Variants in STRN observed in about 807,000 individuals in gnomAD.
STRN encodes the protein striatin, also known as protein phosphatase 2 regulatory subunit B'''alpha.
STRN carries 53 observed loss-of-function variants against 96.3 expected under a neutral mutation model. The ratio of observed to expected loss-of-function variants is 0.55; its 90% confidence interval spans 0.44 to 0.69. The LOEUF (loss-of-function observed/expected upper bound fraction) is 0.69. STRN is among the 30% of genes least tolerant of loss of function. The pLI, the probability that STRN is intolerant of heterozygous loss-of-function variation, is 0.00. For synonymous variants in STRN, 428 were observed against 355.9 expected (o/e 1.20, Z -2.28); for missense variants, 987 against 963.9 (o/e 1.02, Z -0.32).
In STRN at chr2:36,846,922, T is replaced by C. The variant is rs1668092419; in HGVS notation, c.*2534A>G. 1 of 152,148 alleles carries C rather than the reference T, an allele frequency of 6.6e-6. No homozygotes were observed. The highest frequency in any genetic ancestry group is 2.1e-4 in the South Asian group (1 of 4,830). 9.4% of individuals were successfully genotyped at this position (152,148 alleles called of 1,614,324 possible). A position where few individuals can be genotyped will look rare whatever the true frequency, so the allele number is the denominator to read the frequency against. On this transcript the variant is annotated 3_prime_UTR_variant, in exon 18 of 18. Transcript: ENST00000263918. ...TTCCAATACATTTCAAACAAAATAT[T>C]TACAAATGAAGCACTATGAAAGCAT...
intron 4 of STRN, among the ~76,000 whole-genome samples, chr2:36,904,109 A>G (rs1408301062): frequency 6.6e-6 from 1 of 152,232 alleles, no homozygotes; most frequent in Non-Finnish European, 1.5e-5. Context: ...TTGTTTAAAA[A>G]AAGATTAACA....
At chr2:36,872,413 G>C (rs1022673902) in intron 10 of STRN, among the ~76,000 whole-genome samples, 2 of 152,210 alleles carry the variant, frequency 1.3e-5, no homozygotes, top group East Asian at 3.8e-4. Context: ...CAAGTCTTCA[G>C]GTGATACTGC....
At chr2:36,878,627 G>A (rs910950253) in intron 9 of STRN, among the ~76,000 whole-genome samples, 11 of 152,244 alleles carry the variant, frequency 7.2e-5, no homozygotes, top group South Asian at 2.1e-4. Context: ...CCTAAGGGGT[G>A]GTGACGTGGG....
rs1178143475 is a variant in STRN at position 36,843,980 on chromosome 2, A to G, written c.*5476T>C. The G allele has an allele frequency of 6.6e-6, 1 of 152,180 alleles. No homozygotes were observed. The highest frequency in any genetic ancestry group is 1.5e-5 in the Non-Finnish European group (1 of 68,012). The allele number at this position is 152,180 out of a possible 1,614,324, so 9.4% of individuals were successfully genotyped here. On this transcript the variant is annotated 3_prime_UTR_variant, in exon 18 of 18. Transcript: ENST00000263918. ...AAAATTTAAAATACCTGAAGATCAA[A>G]CAATCTGGCCCAGGGCTCACCAGCT...
At chr2:36,928,626 T>A (rs1670483383) in intron 1 of STRN, among the ~76,000 whole-genome samples, 1 of 142,486 alleles carries the variant, frequency 7.0e-6, no homozygotes, top group Non-Finnish European at 1.5e-5. Context: ...CACTCCAGCC[T>A]GGGCGACACA....
intron 2 of STRN, among the ~76,000 whole-genome samples, chr2:36,922,694 T>C (rs1670293839): frequency 6.6e-6 from 1 of 152,024 alleles, no homozygotes; most frequent in Non-Finnish European, 1.5e-5. Context: ...ACACAAAGAT[T>C]ACAAATTTCT....
At chr2:36,906,950 C>A (rs1669838059) in intron 3 of STRN, among the ~76,000 whole-genome samples, 1 of 129,850 alleles carries the variant, frequency 7.7e-6, no homozygotes, top group Non-Finnish European at 1.7e-5. Flanking sequence ...AAAAAAAAAC[C>A]CTCAAGTATT....
chr2:36,936,024 C>T (rs529358607), intron 1 of STRN, among the ~76,000 whole-genome samples: 1 of 151,758 alleles, frequency 6.6e-6, no homozygotes, highest in African/African-American at 2.4e-5. Flanking sequence ...TTAAATATTA[C>T]GTACTTAGAC....
chr2:36,961,115 C>CA (rs1553407709), intron 1 of STRN, among the ~76,000 whole-genome samples: 1 of 60,322 alleles, frequency 1.7e-5, no homozygotes, highest in Non-Finnish European at 2.9e-5. Context: ...CCAGGCTGCA[C>CA]TTTTTTTTTT....
At chr2:36,947,566 A>G (rs905539471) in intron 1 of STRN, among the ~76,000 whole-genome samples, 1 of 147,752 alleles carries the variant, frequency 6.8e-6, no homozygotes, top group Non-Finnish European at 1.5e-5. Context: ...ATTTACATAT[A>G]TATTATATAT....
intron 1 of STRN, among the ~76,000 whole-genome samples, chr2:36,935,302 T>A (rs1417817603): frequency 2.6e-5 from 4 of 152,172 alleles, no homozygotes; most frequent in Non-Finnish European, 2.9e-5. Context: ...CATTTCTTAT[T>A]TTCTATTTAA....
chr2:36,930,075 A>C (rs1360372112), intron 1 of STRN, among the ~76,000 whole-genome samples: 1 of 152,174 alleles, frequency 6.6e-6, no homozygotes, highest in Non-Finnish European at 1.5e-5. Flanking sequence ...TATCCTCTTA[A>C]ATCTAGGCTG....
Position 36,886,707 on chromosome 2 carries a change from TC to T in STRN, c.1042+8del. On this transcript the variant is annotated splice_region_variant and intron_variant, in intron 8 of 17. Coordinates refer to ENST00000263918, the MANE Select transcript of STRN (RefSeq NM_003162.4). ...TTTATGATTTACAGATACAATGTTT[TC>T]CACTTACTCTTCACCCCCTTTTTCC... is the stretch of plus-strand genomic sequence containing the variant. 1.3e-6 allele frequency: 2 copies of T among 1,599,736 alleles called. No individual in the cohort carries two copies. The highest frequency in any genetic ancestry group is 1.7e-6 in the Non-Finnish European group (2 of 1,171,782).
intron 15 of STRN, among the ~76,000 whole-genome samples, chr2:36,854,884 A>C (rs1453091022): frequency 6.6e-6 from 1 of 152,210 alleles, no homozygotes; most frequent in Non-Finnish European, 1.5e-5. Context: ...TTAAAATATG[A>C]AATTACGAGA....
intron 7 of STRN, among the ~76,000 whole-genome samples, chr2:36,887,154 T>C: frequency 6.6e-6 from 1 of 151,344 alleles, no homozygotes; most frequent in East Asian, 1.9e-4. Context: ...CTCGGCCAGG[T>C]GGGGTGGCTC....
chr2:36,886,888 G>A, intron 7 of STRN, 62 bp from the exon 8 acceptor site: 1 of 1,336,404 alleles, frequency 7.5e-7, no homozygotes, highest in Non-Finnish European at 1.0e-6. Context: ...CTCTGAGTCA[G>A]TATGTCTGAA....
intron 2 of STRN, among the ~76,000 whole-genome samples, chr2:36,923,278 G>A (rs191100528): frequency 2.4e-4 from 37 of 151,348 alleles, no homozygotes; most frequent in African/African-American, 8.7e-4. Flanking sequence ...GTGAAACCCT[G>A]TCTCTACTAA....
chr2:36,879,092 A>C (rs1420759428), intron 9 of STRN, among the ~76,000 whole-genome samples: 1 of 150,338 alleles, frequency 6.7e-6, no homozygotes, highest in Non-Finnish European at 1.5e-5. Context: ...TGTTTTTTAG[A>C]TGGAGTCATG....
At chr2:36,903,165 G>A (rs922712627) in intron 4 of STRN, among the ~76,000 whole-genome samples, 1 of 151,988 alleles carries the variant, frequency 6.6e-6, no homozygotes, top group Non-Finnish European at 1.5e-5. Flanking sequence ...AGCATATATC[G>A]TCTCCTTCAT....
Sources: allele counts gnomAD v4.1 joint callset (sites outside exome capture counted in the v4.1 genomes callset), GRCh38; gene constraint gnomAD v4.1.1; transcripts MANE v1.5; gene names NCBI Gene and HGNC (gene_info 2026-07-23, HGNC 2026-07-21).